The following ATP10D variants were observed in gnomAD, a reference collection of about 807,000 sequenced individuals.
ATP10D encodes the protein phospholipid-transporting ATPase VD.
In ATP10D, 89 loss-of-function variants were observed where a neutral mutation model predicts 144.8. The ratio of observed to expected loss-of-function variants is 0.61; its 90% CI spans 0.52 to 0.73. ATP10D has a LOEUF of 0.73. Among genes scored for constraint, ATP10D ranks in the 30% least tolerant of loss-of-function variants. The pLI, the probability that ATP10D is intolerant of heterozygous loss-of-function variation, is 0.00. For synonymous variants in ATP10D, 571 were observed against 615.1 expected (o/e 0.93, Z 1.06); for missense variants, 1,603 against 1,714.8 (o/e 0.93, Z 1.15).
At chr4:47,535,299 CA>C (rs1364640892) in intron 5 of ATP10D, among the ~76,000 whole-genome samples, 3 of 143,666 alleles carry the variant, frequency 2.1e-5, no homozygotes, top group African/African-American at 7.6e-5. Flanking sequence ...GCACGTGTAC[CA>C]CCTGAACCTA....
chr4:47,535,874 T>G, intron 6 of ATP10D, 28 bp from the exon 7 acceptor site: 1 of 1,591,536 alleles, frequency 6.3e-7, no homozygotes, highest in Non-Finnish European at 8.5e-7. Context: ...ATTTGTACAT[T>G]TTCTATCATA....
chr4:47,576,093 G>A (rs945279239), intron 18 of ATP10D, among the ~76,000 whole-genome samples: 59 of 151,364 alleles, frequency 3.9e-4, no homozygotes, highest in Non-Finnish European at 5.5e-4. Flanking sequence ...CACTACGCCC[G>A]GCTAATTTTT....
chr4:47,541,978 A>C (rs1451852784), intron 9 of ATP10D, among the ~76,000 whole-genome samples: 1 of 152,150 alleles, frequency 6.6e-6, no homozygotes, highest in Non-Finnish European at 1.5e-5. Flanking sequence ...CATTCATGTA[A>C]CTATTTTGGA....
At chr4:47,549,360 A>G (rs528694760) in intron 10 of ATP10D, among the ~76,000 whole-genome samples, 17 of 152,140 alleles carry the variant, frequency 1.1e-4, no homozygotes, top group Non-Finnish European at 2.5e-4. Flanking sequence ...TCTCTGTCTC[A>G]ATATAAAGGC....
intron 13 of ATP10D, among the ~76,000 whole-genome samples, chr4:47,560,526 C>T (rs1309070954): frequency 6.6e-6 from 1 of 152,062 alleles, no homozygotes; most frequent in African/African-American, 2.4e-5. Flanking sequence ...ACAAAAAAAA[C>T]ATCAAAAGGT....
At position 47,592,815 on chromosome 4, in the gene ATP10D, C is replaced by A. The variant is rs1721105878; in HGVS notation, c.*1434C>A. The A allele has an allele frequency of 6.6e-6, 1 of 152,512 alleles. No individual in the cohort carries two copies. Among genetic ancestry groups the A allele is most frequent in the African/African-American group, 2.4e-5 (1 of 41,432 alleles). The allele number at this position is 152,512 out of a possible 1,614,324, so 9.4% of individuals were successfully genotyped here. ...CGAGAACTTTCAAAATCTCACATAG[C>A]TAATGGAAGTTGCTTTCTGCTTTCT... On this transcript the variant is annotated 3_prime_UTR_variant, in exon 23 of 23. Coordinates refer to ENST00000273859, the MANE Select transcript of ATP10D (RefSeq NM_020453.4).
chr4:47,576,989 A>AGAGTG lies in ATP10D; in HGVS notation c.3567+17_3567+21dup. On this transcript the variant is annotated intron_variant, in intron 19 of 22. Transcript: ENST00000273859. Reference sequence around the variant, plus strand: ...GAAATCAGAGGTAGGTGTTAAAGCAAGAGTGCTTGGATGGATGCATATCCA... The same window carrying AGAGTG: ...GAAATCAGAGGTAGGTGTTAAAGCAAGAGTGGAGTGCTTGGATGGATGCATATCCA... 6.2e-7 allele frequency: 1 copy of AGAGTG among 1,612,414 alleles called. No individual in the cohort carries two copies. The highest frequency in any genetic ancestry group is 8.5e-7 in the Non-Finnish European group (1 of 1,178,444).
intron 18 of ATP10D, among the ~76,000 whole-genome samples, chr4:47,576,562 T>TG (rs1720252816): frequency 2.0e-5 from 3 of 152,056 alleles, no homozygotes. Flanking sequence ...ACATAATAAG[T>TG]GGGGTGTGAG....
intron 13 of ATP10D, among the ~76,000 whole-genome samples, chr4:47,559,857 G>A (rs980769462): frequency 1.1e-4 from 16 of 152,184 alleles, no homozygotes; most frequent in South Asian, 2.1e-4. Flanking sequence ...AAAATTAGCC[G>A]GATCTGGTGG....
At chr4:47,570,093 G>A (rs1445019299) in intron 16 of ATP10D, among the ~76,000 whole-genome samples, 1 of 152,168 alleles carries the variant, frequency 6.6e-6, no homozygotes, top group African/African-American at 2.4e-5. Flanking sequence ...CATGTTGGCT[G>A]TTCTGTCAGA....
In ATP10D at chr4:47,557,798, A is replaced by G. The variant is rs1719058062; in HGVS notation, c.1959A>G (p.Pro653=). 6.2e-7 allele frequency: 1 copy of G among 1,614,086 alleles called. No individual in the cohort carries two copies. Among genetic ancestry groups the G allele is most frequent in the Admixed American group, 1.7e-5 (1 of 60,002 alleles). The change falls in exon 12 of 23, where the codon CCA becomes CCG. Residue 653 remains proline, a synonymous_variant. Coordinates refer to ENST00000273859, the MANE Select transcript of ATP10D (RefSeq NM_020453.4). ...GGAAAGAGCCATCTTCTGGAGTTCC[A>G]AACGCCTTTGTGAGCAGACTCCCTC... ...NSGKEPSSGV[P]NAFVSRLPLF...
intron 3 of ATP10D, among the ~76,000 whole-genome samples, chr4:47,517,063 T>C (rs1226321566): frequency 1.3e-5 from 2 of 152,216 alleles, no homozygotes; most frequent in Admixed American, 6.5e-5. Flanking sequence ...GAATGTCAAA[T>C]TTAGCAAATG....
chr4:47,518,118 C>T (rs1716776403), intron 3 of ATP10D, among the ~76,000 whole-genome samples: 1 of 152,046 alleles, frequency 6.6e-6, no homozygotes, highest in African/African-American at 2.4e-5. Flanking sequence ...ATATGAAATA[C>T]AAAGAAATCA....
intron 9 of ATP10D, among the ~76,000 whole-genome samples, chr4:47,540,159 G>T (rs935115723): frequency 7.2e-5 from 11 of 152,130 alleles, no homozygotes; most frequent in Admixed American, 7.2e-4. Flanking sequence ...TAATTCTGAG[G>T]CATATTTTCA....
intron 4 of ATP10D, among the ~76,000 whole-genome samples, chr4:47,524,500 C>G (rs901596700): frequency 2.0e-5 from 3 of 152,186 alleles, no homozygotes; most frequent in Non-Finnish European, 4.4e-5. Flanking sequence ...CCACTACACA[C>G]CCACTATGAG....
intron 3 of ATP10D, among the ~76,000 whole-genome samples, chr4:47,521,562 C>T (rs540991351): frequency 6.6e-6 from 1 of 152,156 alleles, no homozygotes; most frequent in Non-Finnish European, 1.5e-5. Context: ...AAAATCCATT[C>T]ATTACTCTGT....
Position 47,591,046 on chromosome 4 carries a change from G to C in ATP10D, c.3946G>C (p.Val1316Leu), listed in dbSNP as rs1328496271. 3 of 1,590,068 alleles carry C rather than the reference G, an allele frequency of 1.9e-6. No homozygotes were observed. The highest frequency in any genetic ancestry group is 2.6e-6 in the Non-Finnish European group (3 of 1,167,810). ...ATGATGTTCCTTGTCACCTAGGTTTGTATACAGAGTTCTTCAGGGATCCCT... is the reference window on the plus strand; with the variant it reads ...ATGATGTTCCTTGTCACCTAGGTTTCTATACAGAGTTCTTCAGGGATCCCT... ...TTSIALLPRF[V>L]YRVLQGSLFP... The change falls in exon 23 of 23, where the codon GTA becomes CTA. Residue 1316 changes from valine to leucine, a missense_variant. Transcript: ENST00000273859.
intron 1 of ATP10D, among the ~76,000 whole-genome samples, chr4:47,494,784 G>A (rs1202035282): frequency 1.3e-5 from 2 of 152,120 alleles, no homozygotes; most frequent in African/African-American, 2.4e-5. Context: ...TGAGATTTTT[G>A]TATTACTTTC....
chr4:47,530,878 T>C (rs1179197613), intron 5 of ATP10D, among the ~76,000 whole-genome samples: 1 of 152,248 alleles, frequency 6.6e-6, no homozygotes, highest in Non-Finnish European at 1.5e-5. Context: ...TTTGATGTGC[T>C]ATTGGCTTTG....
Sources: gnomAD v4.1 joint callset for allele counts (sites outside exome capture counted in the v4.1 genomes callset) on GRCh38, gnomAD v4.1.1 for gene constraint, MANE v1.5 for transcripts, NCBI Gene and HGNC (gene_info 2026-07-23, HGNC 2026-07-21) for gene names.